Variants in HEPH observed in about 807,000 individuals in gnomAD.
The protein encoded by HEPH is hephaestin.
A neutral mutation model predicts 80.8 loss-of-function variants in HEPH; 69 were observed. That is an observed-to-expected ratio of 0.85 (90% CI 0.70 to 1.04). HEPH has a LOEUF of 1.04. Among genes scored for constraint, HEPH ranks in the 50% least tolerant of loss-of-function variants. The pLI is 0.00. For missense variants in HEPH, 1,115 were observed against 891.3 expected (o/e 1.25, Z -3.20); for synonymous variants, 431 against 322.8 (o/e 1.34, Z -3.60).
In HEPH at chrX:66,198,923, G is replaced by T; in HGVS notation, c.1759G>T (p.Glu587Ter). 1.7e-6 allele frequency: 2 copies of T among 1,202,069 alleles called. No individual in the cohort carries two copies. Among genetic ancestry groups the T allele is most frequent in the Non-Finnish European group, 2.3e-6 (2 of 886,606 alleles). The change falls in exon 11 of 21, where the codon GAG becomes TAG. Residue 587 changes from glutamate (E) to a stop codon, truncating the protein, a stop_gained. Coordinates refer to ENST00000343002, the MANE Select transcript of HEPH (RefSeq NM_001367233.3). LOFTEE classifies it high-confidence loss of function. Reference sequence around the variant, plus strand: ...CTTTCTTCTCTTCACTGTGTTGGATGAGAACAAGAGCTGGTACAGCAATGC... The same window carrying T: ...CTTTCTTCTCTTCACTGTGTTGGATTAGAACAAGAGCTGGTACAGCAATGC... ...EFFLLFTVLD[E>*]NKSWYSNANQ... is the part of the protein sequence containing the mutation.
chrX:66,194,347 A>C (rs760654504), intron 8 of HEPH, among the ~76,000 whole-genome samples: 55 of 111,782 alleles, frequency 4.9e-4, no homozygotes, highest in African/African-American at 1.6e-3. Context: ...GTGAGCCTGA[A>C]GGAATTATCA....
At chrX:66,209,814 A>G (rs1385430333) in intron 15 of HEPH, among the ~76,000 whole-genome samples, 1 of 111,607 alleles carries the variant, frequency 9.0e-6, no homozygotes, top group African/African-American at 3.3e-5. Context: ...GTGACTTGAG[A>G]TGGAGTGGGA....
chrX:66,190,039 G>A (rs917784559), intron 6 of HEPH, 101 bp downstream of exon 6: 3 of 862,375 alleles, frequency 3.5e-6, no homozygotes, highest in African/African-American at 4.3e-5. Flanking sequence ...AAGTCCTCCA[G>A]TTGAGGCATC....
intron 4 of HEPH, among the ~76,000 whole-genome samples, chrX:66,174,867 T>A (rs2086735819): frequency 8.9e-6 from 1 of 111,859 alleles, no homozygotes; most frequent in Non-Finnish European, 1.9e-5. Flanking sequence ...TGGGATTGTT[T>A]ATTTTTTTAT....
intron 15 of HEPH, among the ~76,000 whole-genome samples, chrX:66,225,729 A>G (rs1160006504): frequency 3.6e-5 from 4 of 112,643 alleles, no homozygotes; most frequent in Non-Finnish European, 7.5e-5. Context: ...GTGTCACTCA[A>G]GCTGGCCAGA....
At chrX:66,172,210 T>C in intron 2 of HEPH, 145 bp from the exon 3 acceptor site, 1 of 451,235 alleles carries the variant, frequency 2.2e-6, no homozygotes, top group East Asian at 4.2e-5. Context: ...TCTAAAACTT[T>C]CATGTTTTGA....
Position 66,207,332 on chromosome X carries a change from TG to T in HEPH, c.2431+1del. The T allele has an allele frequency of 8.6e-7, 1 of 1,169,400 alleles. No homozygotes were observed. Among genetic ancestry groups the T allele is most frequent in the Non-Finnish European group, 1.1e-6 (1 of 871,413 alleles). On this transcript the variant is annotated frameshift_variant and splice_region_variant, in exon 14 of 21. Transcript: ENST00000343002. LOFTEE classifies it high-confidence loss of function. Reference sequence around the variant, plus strand: ...GGACCAGAAGAACACTTGGGAATCTTGGGTAAGGGAATTCTACTTCCCTCCT... The same window carrying T: ...GGACCAGAAGAACACTTGGGAATCTTGGTAAGGGAATTCTACTTCCCTCCT... ...RTGPEEHLGI[L>X]GPLIKGEVGD... is the part of the protein sequence containing the mutation.
chrX:66,263,662 C>A lies in HEPH; in HGVS notation c.3218C>A (p.Thr1073Asn). Residue 1073 changes from threonine to asparagine, a missense_variant, in exon 20 of 21, where the codon ACC becomes AAC. Thr to Asn is a moderately conservative substitution (Grantham distance 65). This residue lies in a region of HEPH where 716 missense variants were observed against 523.5 expected (regional missense o/e 1.37). Coordinates refer to ENST00000343002, the MANE Select transcript of HEPH (RefSeq NM_001367233.3). ...CAACCAGAACACTTAAGCCCTCTCA[C>A]CGTCATCACCAAAGAGACTGAAAAA... is the stretch of plus-strand genomic sequence containing the variant. The part of the protein sequence containing the change: ...FSRTEHLSPL[T>N]VITKETEKAV... 5 of 1,210,208 alleles carry A rather than the reference C, an allele frequency of 4.1e-6. No individual in the cohort carries two copies. The highest frequency in any genetic ancestry group is 4.5e-6 in the Non-Finnish European group (4 of 894,443).
chrX:66,223,563 T>A (rs1482315238), intron 15 of HEPH, among the ~76,000 whole-genome samples: 1 of 111,952 alleles, frequency 8.9e-6, no homozygotes, highest in Admixed American at 9.5e-5. Context: ...CCTTTTATAA[T>A]CTTTGTTAAA....
Position 66,193,223 on chromosome X carries a change from A to G in HEPH, c.1233-279A>G, listed in dbSNP as rs2076263. 1.8e-3 allele frequency among the ~76,000 whole-genome samples: 197 copies of G among 110,446 alleles called. 4 individuals carry two copies. The East Asian group carries it at 0.052, about 29-fold the overall frequency. Reference sequence around the variant, plus strand: ...TATAAGCAAGAATATTCCAACTTACACTAAAATAGAATTCCAATAATTTAA... The same window carrying G: ...TATAAGCAAGAATATTCCAACTTACGCTAAAATAGAATTCCAATAATTTAA... On this transcript the variant is annotated intron_variant, in intron 7 of 20. Coordinates refer to ENST00000343002, the MANE Select transcript of HEPH (RefSeq NM_001367233.3).
In HEPH at chrX:66,260,237, C is replaced by T. The variant is rs770045875; in HGVS notation, c.3174C>T (p.Thr1058=). The change falls in exon 19 of 21, where the codon ACC becomes ACT. Residue 1058 remains threonine (T), a synonymous_variant. Transcript: ENST00000343002. ...ACCATGTCCATGCTGGCATGGAGAC[C>T]CTCTTCACTGTTTTTTCTCGAACAG... ...VTDHVHAGME[T]LFTVFSRTEH... 2 of 1,207,514 alleles carry T rather than the reference C, an allele frequency of 1.7e-6. No individual in the cohort carries two copies. The highest frequency in any genetic ancestry group is 2.2e-6 in the Non-Finnish European group (2 of 892,518).
At position 66,223,494 on chromosome X, in the gene HEPH, G is replaced by A. The variant is rs746032107; in HGVS notation, c.2563+15248G>A. Among the ~76,000 whole-genome samples, 21 of 111,305 alleles carry A rather than the reference G, an allele frequency of 1.9e-4. 1 individual carries two copies. The highest frequency in any genetic ancestry group is 5.5e-4 in the African/African-American group (17 of 30,741). On this transcript the variant is annotated intron_variant, in intron 15 of 20. Transcript: ENST00000343002. ...TTAGTTTTAGTAAAACTTTGTATACGTATTTATTCAGTTTTTAATGTCGGA... is the reference window on the plus strand; with the variant it reads ...TTAGTTTTAGTAAAACTTTGTATACATATTTATTCAGTTTTTAATGTCGGA...
intron 15 of HEPH, among the ~76,000 whole-genome samples, chrX:66,216,409 A>G (rs1287699636): frequency 1.8e-5 from 2 of 112,040 alleles, no homozygotes; most frequent in African/African-American, 6.5e-5. Context: ...ATTATATCTC[A>G]AGATTCTTTG....
chrX:66,235,144 G>T (rs1358848819), intron 15 of HEPH, among the ~76,000 whole-genome samples: 6 of 111,378 alleles, frequency 5.4e-5, no homozygotes, highest in South Asian at 3.8e-4. Context: ...AATTCTGTAG[G>T]TTTTCAGTTC....
chrX:66,254,454 T>A (rs1436438839), intron 15 of HEPH, among the ~76,000 whole-genome samples: 1 of 110,361 alleles, frequency 9.1e-6, no homozygotes, highest in Non-Finnish European at 1.9e-5. Context: ...AGGAGGGAGG[T>A]GAGTTCATAC....
intron 12 of HEPH, among the ~76,000 whole-genome samples, chrX:66,202,938 T>TAC (rs1266079633): frequency 2.6e-3 from 250 of 96,781 alleles, no homozygotes; most frequent in South Asian, 6.0e-3. Flanking sequence ...TATATATATA[T>TAC]ACACACACAC....
At position 66,263,594 on chromosome X, in the gene HEPH, G is replaced by A. The variant is rs572597694; in HGVS notation, c.3200-50G>A. On this transcript the variant is annotated intron_variant, in intron 19 of 20. Coordinates refer to ENST00000343002, the MANE Select transcript of HEPH (RefSeq NM_001367233.3). ...ACCTTTCATAGGGGGCCTATGGATT[G>A]GTAGGAAGAACAATAAGGCTAACCT... 274 of 1,180,879 alleles carry A rather than the reference G, an allele frequency of 2.3e-4. 3 individuals carry two copies. The South Asian group carries it at 4.6e-3, about 20-fold the overall frequency.
In HEPH at chrX:66,208,204, G is replaced by A; in HGVS notation, c.2521G>A (p.Val841Met). 8.3e-7 allele frequency: 1 copy of A among 1,209,556 alleles called. No homozygotes were observed. The highest frequency in any genetic ancestry group is 1.1e-6 in the Non-Finnish European group (1 of 893,984). ...SRPYSVHAHGVLESTTVWPLA... is the reference protein window; with the variant it reads ...SRPYSVHAHGMLESTTVWPLA... Reference sequence around the variant, plus strand: ...CCCCTACTCTGTGCATGCTCATGGAGTGCTAGAATCTACTACTGTCTGGCC... The same window carrying A: ...CCCCTACTCTGTGCATGCTCATGGAATGCTAGAATCTACTACTGTCTGGCC... The change falls in exon 15 of 21, where the codon GTG (valine) becomes ATG (methionine). Residue 841 changes from valine to methionine, a missense_variant. Transcript: ENST00000343002.
At chrX:66,248,547 T>G (rs990967392) in intron 15 of HEPH, among the ~76,000 whole-genome samples, 2 of 112,211 alleles carry the variant, frequency 1.8e-5, no homozygotes, top group Non-Finnish European at 3.8e-5. Context: ...AAGTGCTTCT[T>G]TTAGTGAAAA....
Sources: gnomAD v4.1 joint callset for allele counts (sites outside exome capture counted in the v4.1 genomes callset) on GRCh38, gnomAD v4.1.1 for gene constraint, gnomAD v4.1.1 regional missense constraint, MANE v1.5 for transcripts, NCBI Gene and HGNC (gene_info 2026-07-23, HGNC 2026-07-21) for gene names.